The following RYR2 variants were observed in gnomAD, a reference collection of about 807,000 sequenced individuals.
The protein encoded by RYR2 is cardiac muscle ryanodine receptor-calcium release channel.
RYR2 carries 227 observed loss-of-function variants against 601.1 expected under a neutral mutation model. That is an observed-to-expected ratio of 0.38 (90% CI 0.34 to 0.42). RYR2 has a LOEUF of 0.42. Among genes scored for constraint, RYR2 ranks in the 10% least tolerant of loss-of-function variants. The pLI, the probability that RYR2 is intolerant of heterozygous loss-of-function variation, is 1.00. For missense variants in RYR2, 4,646 were observed against 6,156.5 expected (o/e 0.75, Z 8.21); for synonymous variants, 2,223 against 2,175.1 (o/e 1.02, Z -0.61).
intron 101 of RYR2, among the ~76,000 whole-genome samples, chr1:237,827,275 A>G (rs1341135495): frequency 1.3e-5 from 2 of 152,188 alleles, no homozygotes; most frequent in African/African-American, 4.8e-5. Flanking sequence ...AAACAGCTCA[A>G]CACAGTGTTT....
At chr1:237,445,668 A>G in intron 14 of RYR2, 146 bp downstream of exon 14, 1 of 957,134 alleles carries the variant, frequency 1.0e-6, no homozygotes, top group Non-Finnish European at 1.5e-6. Context: ...GGAAGTGTTA[A>G]TGAGATGATT....
chr1:237,832,926 A>T lies in RYR2; in HGVS notation c.*279A>T, dbSNP rs992335144. The T allele has an allele frequency of 4.0e-6, 1 of 249,252 alleles. No individual in the cohort carries two copies. Among genetic ancestry groups the T allele is most frequent in the Non-Finnish European group, 7.8e-6 (1 of 128,558 alleles). 15.4% of individuals were successfully genotyped at this position (249,252 alleles called of 1,614,324 possible). A position where few individuals can be genotyped will look rare whatever the true frequency, so the allele number is the denominator to read the frequency against. On this transcript the variant is annotated 3_prime_UTR_variant, in exon 105 of 105. Transcript: ENST00000366574. ...CTGGACACTGTCATAACACACATAG[A>T]TAGATTTTCTTCTGAGACTCCCGGA...
At chr1:237,294,692 A>C in intron 2 of RYR2, among the ~76,000 whole-genome samples, 1 of 152,298 alleles carries the variant, frequency 6.6e-6, no homozygotes, top group Middle Eastern at 3.4e-3. Flanking sequence ...TTCAAAATAT[A>C]TAAATTATTC....
At chr1:237,774,965 T>A (rs1319693257) in intron 87 of RYR2, among the ~76,000 whole-genome samples, 1 of 143,664 alleles carries the variant, frequency 7.0e-6, no homozygotes, top group East Asian at 1.9e-4. Context: ...ATTGAGCTCT[T>A]ACTATATGCA....
intron 84 of RYR2, among the ~76,000 whole-genome samples, chr1:237,768,010 A>C (rs528117304): frequency 1.8e-3 from 271 of 152,328 alleles, no homozygotes; most frequent in Non-Finnish European, 3.3e-3. Context: ...GATAAAGAGA[A>C]TGTTAGTCTT....
rs192073479 is a variant in RYR2, at chr1:237,715,420, A to G, written c.10324-1778A>G. On this transcript the variant is annotated intron_variant, in intron 71 of 104. Coordinates refer to ENST00000366574, the MANE Select transcript of RYR2 (RefSeq NM_001035.3). Reference sequence around the variant, plus strand: ...ACCCATAAATGTTCAAATATTTACTACTCTTTCCAGTTATAGATTTCTTCT... The same window carrying G: ...ACCCATAAATGTTCAAATATTTACTGCTCTTTCCAGTTATAGATTTCTTCT... Among the ~76,000 whole-genome samples, 239 of 152,136 alleles carry G rather than the reference A, an allele frequency of 1.6e-3. 3 individuals carry two copies. The highest frequency in any genetic ancestry group is 5.6e-3 in the African/African-American group (231 of 41,468).
At chr1:237,369,817 A>G (rs899812386) in intron 6 of RYR2, among the ~76,000 whole-genome samples, 5 of 152,222 alleles carry the variant, frequency 3.3e-5, no homozygotes, top group African/African-American at 1.2e-4. Context: ...TTCTATCATT[A>G]TATGATTACC....
intron 97 of RYR2, among the ~76,000 whole-genome samples, chr1:237,800,404 A>T (rs977541257): frequency 2.6e-5 from 4 of 152,242 alleles, no homozygotes; most frequent in Admixed American, 6.5e-5. Flanking sequence ...TAGTTCAAAG[A>T]TAACTTTATT....
At chr1:237,715,022 A>T (rs919476746) in intron 71 of RYR2, among the ~76,000 whole-genome samples, 46 of 125,980 alleles carry the variant, frequency 3.7e-4, no homozygotes, top group Non-Finnish European at 1.9e-4. Flanking sequence ...AAAAAAAAAA[A>T]AGGGCTCAGG....
intron 80 of RYR2, chr1:237,743,648 T>A (rs368484074): frequency 3.7e-5 from 19 of 517,652 alleles, no homozygotes; most frequent in African/African-American, 7.7e-5. Context: ...ATGTGTGTAT[T>A]TGTCTGGGTC....
intron 54 of RYR2, among the ~76,000 whole-genome samples, chr1:237,659,220 G>C (rs576687377): frequency 6.6e-6 from 1 of 152,148 alleles, no homozygotes; most frequent in African/African-American, 2.4e-5. Flanking sequence ...ACCCTTTTTT[G>C]TTGGTTTTGA....
At chr1:237,410,647 C>T (rs968079028) in intron 10 of RYR2, among the ~76,000 whole-genome samples, 2 of 152,080 alleles carry the variant, frequency 1.3e-5, no homozygotes, top group Admixed American at 6.6e-5. Flanking sequence ...CCATATGGCT[C>T]GCAAAACCGA....
chr1:237,583,722 A>C (rs1338445161), intron 29 of RYR2, among the ~76,000 whole-genome samples: 4 of 152,144 alleles, frequency 2.6e-5, no homozygotes, highest in African/African-American at 9.7e-5. Flanking sequence ...TCTTAGGAAA[A>C]GCTGGTACGC....
chr1:237,607,588 G>A (rs1677288030), intron 35 of RYR2, among the ~76,000 whole-genome samples: 2 of 152,126 alleles, frequency 1.3e-5, no homozygotes, highest in South Asian at 4.1e-4. Context: ...AAAAAGAATA[G>A]GATTTAACAA....
chr1:237,427,177 G>C (rs1706260405), intron 12 of RYR2, among the ~76,000 whole-genome samples: 1 of 152,116 alleles, frequency 6.6e-6, no homozygotes, highest in East Asian at 1.9e-4. Flanking sequence ...CTAATAAAAA[G>C]AAGTAAAGTG....
chr1:237,692,749 A>G (rs112819699), intron 63 of RYR2, among the ~76,000 whole-genome samples: 3,457 of 152,226 alleles, frequency 0.023, 57 homozygotes, highest in South Asian at 0.047. Flanking sequence ...TCAGACTTCA[A>G]TCCAAATATT....
intron 80 of RYR2, among the ~76,000 whole-genome samples, chr1:237,746,393 A>G (rs1038705406): frequency 5.9e-5 from 9 of 152,178 alleles, no homozygotes; most frequent in Non-Finnish European, 1.2e-4. Context: ...AATATTCCAT[A>G]AAGTCATTGA....
intron 24 of RYR2, among the ~76,000 whole-genome samples, chr1:237,522,804 AAATGCTAC>A (rs1407768109): frequency 5.3e-5 from 8 of 152,180 alleles, no homozygotes; most frequent in African/African-American, 1.9e-4. Context: ...TTAAGTACTA[AAATGCTAC>A]ATTACCAATC....
chr1:237,147,810 G>A (rs1175900236), intron 1 of RYR2, among the ~76,000 whole-genome samples: 1 of 152,198 alleles, frequency 6.6e-6, no homozygotes, highest in Non-Finnish European at 1.5e-5. Flanking sequence ...AGTTTAAACT[G>A]GATCTAGCAA....
Sources: allele counts gnomAD v4.1 joint callset (sites outside exome capture counted in the v4.1 genomes callset), GRCh38; gene constraint gnomAD v4.1.1; transcripts MANE v1.5; gene names NCBI Gene and HGNC (gene_info 2026-07-23, HGNC 2026-07-21).